The following DNM2 variants were observed in gnomAD, a reference collection of about 807,000 sequenced individuals.
DNM2 encodes dynamin-2.
DNM2 carries 15 observed loss-of-function variants against 99.0 expected under a neutral mutation model. The observed-to-expected ratio is 0.15, with a 90% CI of 0.10 to 0.23. DNM2 has a LOEUF of 0.23. DNM2 is among the 10% of genes least tolerant of loss of function. DNM2 has a pLI of 1.00. For synonymous variants in DNM2, 525 were observed against 481.2 expected (o/e 1.09, Z -1.19); for missense variants, 742 against 1,189.4 (o/e 0.62, Z 5.53).
intron 1 of DNM2, among the ~76,000 whole-genome samples, chr19:10,724,233 A>G (rs1477635012): frequency 6.6e-6 from 1 of 152,138 alleles, no homozygotes; most frequent in East Asian, 1.9e-4. Context: ...GCTGGAGTGC[A>G]GTCACGCGAT....
At position 10,775,893 on chromosome 19, in the gene DNM2, A is replaced by G; in HGVS notation, c.576A>G (p.Glu192=). ...CCGACGCCCTCAAGCTGGCCAAGGA[A>G]GTCGATCCCCAAGGTAACCCTGAGC... ...ANSDALKLAK[E]VDPQGLRTIG... The change falls in exon 4 of 21, where the codon GAA becomes GAG. Residue 192 remains glutamate (E), a synonymous_variant. Coordinates refer to ENST00000389253, the MANE Select transcript of DNM2 (RefSeq NM_001005361.3). The surrounding 1 kb of genome is among the most constrained non-coding windows in gnomAD (Gnocchi z 4.3). 1 of 1,612,426 alleles carries G rather than the reference A, an allele frequency of 6.2e-7. No homozygotes were observed.
rs562226953 is a variant in DNM2 at position 10,818,716 on chromosome 19, G to A, written c.1672-1264G>A. ...GCAGCCAGGTTAGGCTTTGTGCTGGGGCAGCGCAGTGAGGGGACATGAGAG... is the reference window on the plus strand; with the variant it reads ...GCAGCCAGGTTAGGCTTTGTGCTGGAGCAGCGCAGTGAGGGGACATGAGAG... On this transcript the variant is annotated intron_variant, in intron 15 of 20. Transcript: ENST00000389253. The surrounding 1 kb of genome is among the most constrained non-coding windows in gnomAD (Gnocchi z 4.3). 1.6e-3 allele frequency among the ~76,000 whole-genome samples: 243 copies of A among 152,344 alleles called. 1 individual carries two copies. The highest frequency in any genetic ancestry group is 3.4e-3 in the Middle Eastern group (1 of 294).
In DNM2 at chr19:10,831,062, G is replaced by A. The variant is rs1335579045; in HGVS notation, c.*15G>A. The A allele has an allele frequency of 4.4e-6, 7 of 1,591,120 alleles. No individual in the cohort carries two copies. Among genetic ancestry groups the A allele is most frequent in the South Asian group, 3.4e-5 (3 of 87,930 alleles). On this transcript the variant is annotated 3_prime_UTR_variant, in exon 21 of 21. Coordinates refer to ENST00000389253, the MANE Select transcript of DNM2 (RefSeq NM_001005361.3). This position sits in a 1 kb window ranked among gnomAD's most constrained non-coding sequence, Gnocchi z 4.3. ...TGCTCGACTAGGCCTCGAGGGGGGC[G>A]TGCTCTCGGGGGGGCCTCACGCACC...
In DNM2 at chr19:10,765,748, G is replaced by T. The variant is rs934086589; in HGVS notation, c.235+5937G>T. On this transcript the variant is annotated intron_variant, in intron 2 of 20. Coordinates refer to ENST00000389253, the MANE Select transcript of DNM2 (RefSeq NM_001005361.3). This position sits in a 1 kb window ranked among gnomAD's most constrained non-coding sequence, Gnocchi z 4.4. ...CCTGCCTGCTGGCGTGGTAGCTAGG[G>T]TCTCCTGATGGTGGCAGATCCCCAA... Among the ~76,000 whole-genome samples the T allele has an allele frequency of 2.0e-5, 3 of 152,024 alleles. No individual in the cohort carries two copies. The highest frequency in any genetic ancestry group is 4.4e-5 in the Non-Finnish European group (3 of 68,022).
At chr19:10,721,597 G>A (rs1439586716) in intron 1 of DNM2, among the ~76,000 whole-genome samples, 1 of 152,136 alleles carries the variant, frequency 6.6e-6, no homozygotes, top group Admixed American at 6.6e-5. Flanking sequence ...AGGTTGGAGT[G>A]GAGGGGTGCA....
chr19:10,800,016 C>T (rs771409100), intron 11 of DNM2, among the ~76,000 whole-genome samples: 2 of 151,788 alleles, frequency 1.3e-5, no homozygotes, highest in Non-Finnish European at 2.9e-5. Context: ...GCTACCACGC[C>T]TGGCTAATTT....
In DNM2 at chr19:10,775,979, C is replaced by G. The variant is rs1308036950; in HGVS notation, c.589+73C>G. ...TGGGATGTGCCCAGCATCCTTGGTTCCAAGTCACTGGCGTTCTCTTTAATC... is the reference window on the plus strand; with the variant it reads ...TGGGATGTGCCCAGCATCCTTGGTTGCAAGTCACTGGCGTTCTCTTTAATC... On this transcript the variant is annotated intron_variant, in intron 4 of 20. Transcript: ENST00000389253. This position sits in a 1 kb window ranked among gnomAD's most constrained non-coding sequence, Gnocchi z 4.3. 1.9e-6 allele frequency: 3 copies of G among 1,565,498 alleles called. No homozygotes were observed. In the African/African-American group the frequency reaches 4.1e-5, roughly 21 times the overall value.
chr19:10,779,722 G>T (rs944161333), intron 5 of DNM2, among the ~76,000 whole-genome samples: 1 of 151,730 alleles, frequency 6.6e-6, no homozygotes, highest in Admixed American at 6.6e-5. Context: ...TTTCATTCTT[G>T]TTGCCCAGGC....
At chr19:10,793,605 AT>A in intron 7 of DNM2, 114 bp from the exon 8 acceptor site, 2 of 1,594,108 alleles carry the variant, frequency 1.3e-6, no homozygotes, top group Non-Finnish European at 1.7e-6. Context: ...GACAGAAGAC[AT>A]TTTGCTGCTG....
chr19:10,749,826 G>T lies in DNM2; in HGVS notation c.162-9912G>T, dbSNP rs78155240. On this transcript the variant is annotated intron_variant, in intron 1 of 20. Transcript: ENST00000389253. ...TCAGAGGCCGTTTTGCTGGGAGTGG[G>T]AAGGGGTGTGTATTTGGGAGGGAGG... 7.8e-3 allele frequency among the ~76,000 whole-genome samples: 1,196 copies of T among 152,386 alleles called. 11 individuals carry two copies. The highest frequency in any genetic ancestry group is 0.013 in the Non-Finnish European group (858 of 68,040).
At chr19:10,747,976 A>G (rs760237856) in intron 1 of DNM2, among the ~76,000 whole-genome samples, 16 of 152,164 alleles carry the variant, frequency 1.1e-4, no homozygotes, top group Non-Finnish European at 2.1e-4. Context: ...CTGGGGCAGG[A>G]CAGTGTCTGG....
intron 1 of DNM2, among the ~76,000 whole-genome samples, chr19:10,740,743 T>C (rs773993838): frequency 1.1e-4 from 17 of 152,250 alleles, no homozygotes; most frequent in Non-Finnish European, 2.1e-4. Context: ...CTGCTTTAGC[T>C]GCATCCATAA....
At chr19:10,808,964 A>C in intron 14 of DNM2, 1 of 218,154 alleles carries the variant, frequency 4.6e-6, no homozygotes, top group Admixed American at 5.5e-5. Flanking sequence ...TCCTCCTTCT[A>C]TCTCCTATGC....
rs1003312306 is a variant in DNM2, at chr19:10,718,101, C to G, written c.-142C>G. 1 of 1,013,328 alleles carries G rather than the reference C, an allele frequency of 9.9e-7. No individual in the cohort carries two copies. Among genetic ancestry groups the G allele is most frequent in the Non-Finnish European group, 1.3e-6 (1 of 785,828 alleles). 62.8% of individuals were successfully genotyped at this position (1,013,328 alleles called of 1,614,324 possible). ...CCTGAGAACCGGATGAGGCGGCGAC[C>G]GTGAGGCCGAGCCGGGAGCGGGCGT... On this transcript the variant is annotated 5_prime_UTR_variant, in exon 1 of 21. Transcript: ENST00000389253.
At chr19:10,799,676 G>C (rs2072068382) in intron 11 of DNM2, among the ~76,000 whole-genome samples, 1 of 151,946 alleles carries the variant, frequency 6.6e-6, no homozygotes, top group South Asian at 2.1e-4. Context: ...CAGGACTACA[G>C]GCACATGCCA....
chr19:10,721,639 G>T (rs2068945010), intron 1 of DNM2, among the ~76,000 whole-genome samples: 1 of 152,036 alleles, frequency 6.6e-6, no homozygotes, highest in Non-Finnish European at 1.5e-5. Flanking sequence ...GAACTCCAGG[G>T]CTCAAGCAAT....
intron 16 of DNM2, among the ~76,000 whole-genome samples, chr19:10,822,100 G>A (rs2072990380): frequency 1.3e-5 from 2 of 152,138 alleles, no homozygotes; most frequent in East Asian, 3.9e-4. Flanking sequence ...GGCCTGGCCT[G>A]TAGACCACCA....
chr19:10,770,220 T>A (rs2070930144), intron 2 of DNM2, among the ~76,000 whole-genome samples: 1 of 152,182 alleles, frequency 6.6e-6, no homozygotes. Flanking sequence ...TCATCTCCCT[T>A]TTTGCCTTTG....
intron 1 of DNM2, among the ~76,000 whole-genome samples, chr19:10,758,371 C>T (rs369410103): frequency 3.1e-4 from 28 of 90,522 alleles, no homozygotes; most frequent in African/African-American, 9.3e-4. Flanking sequence ...CCTTCCCTCC[C>T]TCCTTCCCTC....
Sources: gnomAD v4.1 joint callset for allele counts (sites outside exome capture counted in the v4.1 genomes callset) on GRCh38, gnomAD v4.1.1 for gene constraint, Gnocchi (gnomAD v3.1) non-coding constraint, MANE v1.5 for transcripts, NCBI Gene and HGNC (gene_info 2026-07-23, HGNC 2026-07-21) for gene names.